Variants in NBPF4 observed in about 807,000 individuals in gnomAD.
NBPF4 encodes the protein NBPF member 4, also known as NBPF family member NBPF4.
In NBPF4, 11 loss-of-function variants were observed where a neutral mutation model predicts 21.1. That is an observed-to-expected ratio of 0.52 (90% CI 0.33 to 0.86). NBPF4 has a LOEUF of 0.86. NBPF4 is among the 40% of genes least tolerant of loss of function. NBPF4 has a pLI of 0.03. For missense variants in NBPF4, 88 were observed against 265.3 expected, an observed-to-expected ratio of 0.33 and a Z score of 4.64; for synonymous variants, 47 against 106.4, an observed-to-expected ratio of 0.44 and a Z score of 3.43.
the NBPF4 span, among the ~76,000 whole-genome samples, chr1:108,254,043 T>C: frequency 9.2e-6 from 1 of 108,700 alleles, no homozygotes; most frequent in South Asian, 3.3e-4. Flanking sequence ...TTGCCTTTGC[T>C]GTGCAGAAGC....
upstream of NBPF4, among the ~76,000 whole-genome samples, chr1:108,244,901 G>T (rs867298480): frequency 3.6e-3 from 45 of 12,416 alleles, no homozygotes; most frequent in East Asian, 4.8e-3. Context: ...TATTGTTGGA[G>T]ATATATATAT....
At chr1:108,226,367 C>G (rs1483707014) in intron 14 of NBPF4, among the ~76,000 whole-genome samples, 2 of 151,014 alleles carry the variant, frequency 1.3e-5, no homozygotes, top group Non-Finnish European at 2.9e-5. Flanking sequence ...TCCGGGCAAA[C>G]AACCCTGTGT....
chr1:108,223,726 C>G lies in NBPF4; in HGVS notation c.1896G>C (p.Arg632Ser), dbSNP rs183598697. ...ESAEIPNTAG[R>S]TQRMAG ...TCTTTCATCCTGCCATCCTTTGCGTCCTTCCAGCAGTATTTGGTATCTGTA... is the reference window on the plus strand; with the variant it reads ...TCTTTCATCCTGCCATCCTTTGCGTGCTTCCAGCAGTATTTGGTATCTGTA... Residue 632 changes from arginine to serine, a missense_variant, in exon 15 of 15, where the codon AGG (arginine) becomes AGC (serine). This residue lies in a region of NBPF4 where 17 missense variants were observed against 20.7 expected (regional missense o/e 0.82). Transcript: ENST00000415641. 2 of 1,560,468 alleles carry G rather than the reference C, an allele frequency of 1.3e-6. No homozygotes were observed. Among genetic ancestry groups the G allele is most frequent in the Non-Finnish European group, 1.7e-6 (2 of 1,152,074 alleles).
rs1402756890 is a variant in NBPF4, at chr1:108,241,361, CAT to C, written c.279-199_279-198del. Reference sequence around the variant, plus strand: ...ATATACACACACACACACACACACACATACATATATACAAACATACACACACA... The same window carrying C: ...ATATACACACACACACACACACACACACATATATACAAACATACACACACA... On this transcript the variant is annotated intron_variant, in intron 3 of 14. Coordinates refer to ENST00000415641, the MANE Select transcript of NBPF4 (RefSeq NM_001143989.3). 2.2e-3 allele frequency among the ~76,000 whole-genome samples: 312 copies of C among 142,118 alleles called. 11 individuals are homozygous for C. Among genetic ancestry groups the C allele is most frequent in the African/African-American group, 8.2e-3 (302 of 36,802 alleles). The allele number at this position is 142,118 out of a possible 152,430, so 93.2% of individuals were successfully genotyped here.
At chr1:108,256,928 C>T in the NBPF4 span, among the ~76,000 whole-genome samples, 1,039 of 144,556 alleles carry the variant, frequency 7.2e-3, 3 homozygotes, top group Non-Finnish European at 0.011. Context: ...CCAATGTAGG[C>T]ATTTATCATT....
In NBPF4 at chr1:108,223,609, G is replaced by A; in HGVS notation, c.*96C>T. On this transcript the variant is annotated 3_prime_UTR_variant, in exon 15 of 15. Coordinates refer to ENST00000415641, the MANE Select transcript of NBPF4 (RefSeq NM_001143989.3). ...TTCTGTGTCTGAAATTCAATCCTCA[G>A]TGAAGGACCCCTGCAGTATTGTGTT... 1 of 1,088,600 alleles carries A rather than the reference G, an allele frequency of 9.2e-7. No individual in the cohort carries two copies. The highest frequency in any genetic ancestry group is 1.5e-5 in the South Asian group (1 of 68,454). The allele number at this position is 1,088,600 out of a possible 1,614,324, so 67.4% of individuals were successfully genotyped here. A position where few individuals can be genotyped will look rare whatever the true frequency, so the allele number is the denominator to read the frequency against.
chr1:108,263,382 C>G, the NBPF4 span, among the ~76,000 whole-genome samples: 1 of 127,754 alleles, frequency 7.8e-6, no homozygotes, highest in Non-Finnish European at 1.7e-5. Flanking sequence ...CCTATGAGAA[C>G]TATGGGAGTA....
chr1:108,246,626 C>T (rs545589498), upstream of NBPF4, among the ~76,000 whole-genome samples: 108 of 94,772 alleles, frequency 1.1e-3, 14 homozygotes, highest in African/African-American at 3.6e-3. Flanking sequence ...ACCATTTCCA[C>T]GCACTGTCCA....
At chr1:108,244,945 T>TATATATATATAC (rs1553260356), upstream of NBPF4, among the ~76,000 whole-genome samples, 1 of 37,986 alleles carries the variant, frequency 2.6e-5, no homozygotes, top group Non-Finnish European at 5.2e-5. Flanking sequence ...TATATATATA[T>TATATATATATAC]ATACACACAC....
intron 14 of NBPF4, among the ~76,000 whole-genome samples, chr1:108,224,464 A>G (rs552158789): frequency 1.4e-5 from 2 of 143,482 alleles, no homozygotes; most frequent in South Asian, 2.3e-4. Context: ...AAGGTTTTAC[A>G]GATAAATATG....
chr1:108,268,568 AG>A, the NBPF4 span, among the ~76,000 whole-genome samples: 1 of 8,638 alleles, frequency 1.2e-4, no homozygotes, highest in Non-Finnish European at 2.4e-4. Flanking sequence ...GGTGGGTGGG[AG>A]GGGGGAACAG....
At chr1:108,226,579 G>A in intron 14 of NBPF4, 100 bp downstream of exon 14, 2 of 982,628 alleles carry the variant, frequency 2.0e-6, no homozygotes, top group Non-Finnish European at 3.0e-6. Context: ...GCAGCTGTTG[G>A]AGAGAACAAA....
chr1:108,244,947 T>TATATATAC (rs754071410), upstream of NBPF4, among the ~76,000 whole-genome samples: 28 of 34,922 alleles, frequency 8.0e-4, 1 homozygote, highest in Non-Finnish European at 1.2e-3. Context: ...TATATATATA[T>TATATATAC]ACACACACAT....
Position 108,226,671 on chromosome 1 carries a change from G to A in NBPF4, c.1875+8C>T. The A allele has an allele frequency of 1.5e-6, 2 of 1,324,968 alleles. No individual in the cohort carries two copies. Among genetic ancestry groups the A allele is most frequent in the South Asian group, 3.4e-5 (2 of 58,680 alleles). The allele number at this position is 1,324,968 out of a possible 1,614,324, so 82.1% of individuals were successfully genotyped here. On this transcript the variant is annotated splice_region_variant and intron_variant, in intron 14 of 14. Coordinates refer to ENST00000415641, the MANE Select transcript of NBPF4 (RefSeq NM_001143989.3). ...GTGAGTGCAGCTATCAGCCATAGAT[G>A]TGATTACCTCTGCGCTCTCAGCATG... is the stretch of plus-strand genomic sequence containing the variant.
Position 108,223,585 on chromosome 1 carries a change from T to A in NBPF4, c.*120A>T. The A allele has an allele frequency of 1.2e-6, 1 of 852,998 alleles. No homozygotes were observed. The highest frequency in any genetic ancestry group is 1.7e-5 in the South Asian group (1 of 59,120). 52.8% of individuals were successfully genotyped at this position (852,998 alleles called of 1,614,324 possible). ...AGTGGCTTGAAGTCATCAAGAGTAT[T>A]CTGTGTCTGAAATTCAATCCTCAGT... On this transcript the variant is annotated 3_prime_UTR_variant, in exon 15 of 15. Transcript: ENST00000415641.
the NBPF4 span, among the ~76,000 whole-genome samples, chr1:108,264,119 C>T: frequency 4.4e-5 from 6 of 136,294 alleles, no homozygotes; most frequent in South Asian, 2.3e-4. Flanking sequence ...CAAGACTCAT[C>T]GGTATGCTGT....
chr1:108,234,607 TGA>T (rs1200877359), intron 9 of NBPF4, among the ~76,000 whole-genome samples, 196 bp from the exon 10 acceptor site: 1 of 8,240 alleles, frequency 1.2e-4, no homozygotes. Context: ...AAGAGAGAGA[TGA>T]GAGAGAGAGA....
chr1:108,244,945 T>TATATATAC (rs1553260356), upstream of NBPF4, among the ~76,000 whole-genome samples: 4 of 37,982 alleles, frequency 1.1e-4, 1 homozygote, highest in Admixed American at 7.6e-4. Context: ...TATATATATA[T>TATATATAC]ATACACACAC....
chr1:108,227,267 AG>A (rs1285722773), intron 13 of NBPF4, among the ~76,000 whole-genome samples: 1 of 59,836 alleles, frequency 1.7e-5, no homozygotes, highest in African/African-American at 6.9e-5. Flanking sequence ...GGGTTCAAAC[AG>A]GAGATGGGAA....
Sources: allele counts gnomAD v4.1 joint callset (sites outside exome capture counted in the v4.1 genomes callset), GRCh38; gene constraint gnomAD v4.1.1; regional missense constraint gnomAD v4.1.1; transcripts MANE v1.5; gene names NCBI Gene and HGNC (gene_info 2026-07-23, HGNC 2026-07-21).